LRP2: variants seen among roughly 807,000 people sequenced by gnomAD.
LRP2 encodes LDL receptor related protein 2, also known as low-density lipoprotein receptor-related protein 2.
Under a neutral mutation model 531.0 loss-of-function variants are expected in LRP2, and 172 were observed. That is an observed-to-expected ratio of 0.32 (90% CI 0.29 to 0.37). The LOEUF (loss-of-function observed/expected upper bound fraction) is 0.37. LRP2 is among the 10% of genes least tolerant of loss of function. LRP2 has a pLI of 1.00. For synonymous variants in LRP2, 1,992 were observed against 2,027.6 expected (o/e 0.98, Z 0.47); for missense variants, 5,167 against 5,868.3 (o/e 0.88, Z 3.90).
chr2:169,162,398 A>G (rs1373299775), intron 63 of LRP2, 74 bp downstream of exon 63: 2 of 1,548,156 alleles, frequency 1.3e-6, no homozygotes, highest in Non-Finnish European at 8.9e-7. Context: ...CAGTGTCTAC[A>G]TTATGTTATT....
chr2:169,178,656 C>T (rs970925358), intron 52 of LRP2, among the ~76,000 whole-genome samples: 11 of 152,276 alleles, frequency 7.2e-5, no homozygotes, highest in Admixed American at 5.9e-4. Flanking sequence ...GAAGGTTCTC[C>T]GATTTCAAGA....
chr2:169,151,116 G>C (rs961968148), intron 67 of LRP2, 90 bp from the exon 68 acceptor site: 2 of 1,386,988 alleles, frequency 1.4e-6, no homozygotes, highest in African/African-American at 2.8e-5. Flanking sequence ...ATTTCGTTTG[G>C]CTGGTGAGAC....
At chr2:169,138,804 T>G (rs934355081) in intron 74 of LRP2, 98 bp from the exon 75 acceptor site, 2 of 1,357,352 alleles carry the variant, frequency 1.5e-6, no homozygotes, top group Non-Finnish European at 1.0e-6. Context: ...TCCTCCACAT[T>G]GCCAAATCTT....
At chr2:169,289,859 T>C (rs1055428392) in intron 8 of LRP2, among the ~76,000 whole-genome samples, 7 of 151,724 alleles carry the variant, frequency 4.6e-5, no homozygotes, top group Non-Finnish European at 8.8e-5. Flanking sequence ...TTTTAAGCTT[T>C]TTTAAATGGG....
intron 19 of LRP2, among the ~76,000 whole-genome samples, chr2:169,248,771 T>G (rs1447834135): frequency 6.1e-5 from 8 of 131,316 alleles, no homozygotes; most frequent in Admixed American, 2.3e-4. Context: ...CAGGCCAGTG[T>G]GTGTGCGCAC....
Position 169,328,441 on chromosome 2 carries a change from T to TAAAAA in LRP2, c.80-7562_80-7558dup, listed in dbSNP as rs537210492. Among the ~76,000 whole-genome samples, 21 of 49,118 alleles carry TAAAAA rather than the reference T, an allele frequency of 4.3e-4. 2 individuals carry two copies. The highest frequency in any genetic ancestry group is 3.9e-3 in the Admixed American group (15 of 3,840). 32.2% of individuals were successfully genotyped at this position (49,118 alleles called of 152,430 possible). A position where few individuals can be genotyped will look rare whatever the true frequency, so the allele number is the denominator to read the frequency against. Reference sequence around the variant, plus strand: ...ACAGCTCATTGAGAACGGGCCGGGATAAAAAAAAAAAAAAAAAAAAAAAGA... The same window carrying TAAAAA: ...ACAGCTCATTGAGAACGGGCCGGGATAAAAAAAAAAAAAAAAAAAAAAAAAAAAGA... On this transcript the variant is annotated intron_variant, in intron 1 of 78. Transcript: ENST00000649046.
chr2:169,294,229 C>G lies in LRP2; in HGVS notation c.571G>C (p.Gly191Arg). The G allele has an allele frequency of 6.2e-7, 1 of 1,613,236 alleles. No homozygotes were observed. Among genetic ancestry groups the G allele is most frequent in the South Asian group, 1.1e-5 (1 of 91,056 alleles). ...GCACGAGGGATACACTCTCCATTGC[C>G]ACATGAAAACTCATTGTGCAAGCAT... ...EICLHNEFSC[G>R]NGECIPRAYV... Residue 191 changes from glycine to arginine, a missense_variant, in exon 6 of 79, where the codon GGC becomes CGC. By Grantham distance (125) the Gly-to-Arg change is moderately radical (BLOSUM62 -2). This residue lies in a region of LRP2 where 2,811 missense variants were observed against 3,058.0 expected (regional missense o/e 0.92). Coordinates refer to ENST00000649046, the MANE Select transcript of LRP2 (RefSeq NM_004525.3).
At chr2:169,214,414 G>A (rs1688704945) in intron 35 of LRP2, among the ~76,000 whole-genome samples, 1 of 152,118 alleles carries the variant, frequency 6.6e-6, no homozygotes, top group African/African-American at 2.4e-5. Flanking sequence ...AGTCCCTAAG[G>A]GAAAATGACA....
intron 27 of LRP2, among the ~76,000 whole-genome samples, chr2:169,237,662 C>T (rs1444680342): frequency 6.6e-6 from 1 of 152,092 alleles, no homozygotes; most frequent in Non-Finnish European, 1.5e-5. Context: ...CCAAGAATTA[C>T]AAAATAAAGT....
rs542386258 is a variant in LRP2 at position 169,210,880 on chromosome 2, C to A, written c.6280+1088G>T. Among the ~76,000 whole-genome samples, 6 of 152,246 alleles carry A rather than the reference C, an allele frequency of 3.9e-5. No individual in the cohort carries two copies. The East Asian group carries it at 1.2e-3, about 29-fold the overall frequency. On this transcript the variant is annotated intron_variant, in intron 37 of 78. Coordinates refer to ENST00000649046, the MANE Select transcript of LRP2 (RefSeq NM_004525.3). ...GGTTCATAAAAAATGAATGTGAATG[C>A]ATATGCATGTACACACACACACATA...
intron 54 of LRP2, among the ~76,000 whole-genome samples, chr2:169,175,621 T>C (rs1265831654): frequency 6.8e-6 from 1 of 147,020 alleles, no homozygotes; most frequent in Non-Finnish European, 1.5e-5. Context: ...GTGCTCTTAA[T>C]ATGATGAATA....
intron 29 of LRP2, among the ~76,000 whole-genome samples, chr2:169,234,108 C>A (rs1373829253): frequency 6.6e-6 from 1 of 152,126 alleles, no homozygotes; most frequent in African/African-American, 2.4e-5. Context: ...GCAATTTTTT[C>A]TCTTTTTTAA....
chr2:169,166,109 C>G (rs530896484), intron 61 of LRP2, 55 bp from the exon 62 acceptor site: 1 of 1,589,770 alleles, frequency 6.3e-7, no homozygotes, highest in African/African-American at 1.3e-5. Flanking sequence ...ATCTAAGTGT[C>G]AATATCTAAA....
intron 16 of LRP2, among the ~76,000 whole-genome samples, chr2:169,265,989 A>G (rs1047772008): frequency 3.3e-5 from 5 of 152,050 alleles, no homozygotes; most frequent in African/African-American, 7.2e-5. Context: ...CATTTGGGGA[A>G]AATACATGAT....
rs192031962 is a variant in LRP2, at chr2:169,288,875, T to C, written c.1042+151A>G. On this transcript the variant is annotated intron_variant, in intron 9 of 78. Coordinates refer to ENST00000649046, the MANE Select transcript of LRP2 (RefSeq NM_004525.3). ...ACCTTCTCAGAGTTAAAATTCCCTA[T>C]TTGCCAGGTTTTCTGTGAGGTCTGG... is the stretch of plus-strand genomic sequence containing the variant. 50 of 1,218,516 alleles carry C rather than the reference T, an allele frequency of 4.1e-5. No homozygotes were observed. The Middle Eastern group carries it at 8.3e-4, about 20-fold the overall frequency. The allele number at this position is 1,218,516 out of a possible 1,614,324, so 75.5% of individuals were successfully genotyped here. A position where few individuals can be genotyped will look rare whatever the true frequency, so the allele number is the denominator to read the frequency against.
intron 22 of LRP2, among the ~76,000 whole-genome samples, chr2:169,244,462 T>C (rs749635668): frequency 6.6e-6 from 1 of 152,244 alleles, no homozygotes; most frequent in Non-Finnish European, 1.5e-5. Context: ...GAGGCAGTCC[T>C]TGCTTTGCTT....
At chr2:169,353,125 A>C (rs1308210599) in intron 1 of LRP2, among the ~76,000 whole-genome samples, 1 of 152,204 alleles carries the variant, frequency 6.6e-6, no homozygotes, top group African/African-American at 2.4e-5. Context: ...ATACTTTTTT[A>C]AGTTCCTCAG....
intron 1 of LRP2, among the ~76,000 whole-genome samples, chr2:169,333,631 C>G (rs1233139697): frequency 3.9e-5 from 6 of 152,052 alleles, no homozygotes; most frequent in Admixed American, 3.3e-4. Flanking sequence ...TTTAATTTCC[C>G]TATAGAGAAA....
rs2229265 is a variant in LRP2, at chr2:169,176,479, C to T, written c.10503G>A (p.Gln3501=). The T allele has an allele frequency of 0.5, 803,521 of 1,613,744 alleles. 206,212 individuals are homozygous for T. Among genetic ancestry groups the T allele is most frequent in the Admixed American group, 0.64 (38,656 of 60,010 alleles). The change falls in exon 54 of 79, where the codon CAG becomes CAA. Residue 3501 remains glutamine (Q), a synonymous_variant. Transcript: ENST00000649046. ...CECPDDFRTL[Q]LSGSTYCMPM... Reference sequence around the variant, plus strand: ...GCATGCAGTAGGTGCTGCCACTCAGCTGAAGGGTGCGGAAGTCATCTGGAC... The same window carrying T: ...GCATGCAGTAGGTGCTGCCACTCAGTTGAAGGGTGCGGAAGTCATCTGGAC...
Sources: gnomAD v4.1 joint callset for allele counts (sites outside exome capture counted in the v4.1 genomes callset) on GRCh38, gnomAD v4.1.1 for gene constraint, gnomAD v4.1.1 regional missense constraint, MANE v1.5 for transcripts, NCBI Gene and HGNC (gene_info 2026-07-23, HGNC 2026-07-21) for gene names.